PDGFRL: variants seen among roughly 807,000 people sequenced by gnomAD.
The protein encoded by PDGFRL is platelet-derived growth factor receptor-like protein.
A neutral mutation model predicts 37.2 loss-of-function variants in PDGFRL; 46 were observed. The observed-to-expected ratio is 1.24, with a 90% confidence interval of 0.98 to 1.58. The LOEUF (loss-of-function observed/expected upper bound fraction) is 1.58. Ranked by LOEUF, PDGFRL falls within the 40% of genes most tolerant of loss-of-function variation. The pLI, the probability that PDGFRL is intolerant of heterozygous loss-of-function variation, is 0.00. For synonymous variants in PDGFRL, 251 were observed against 184.3 expected (o/e 1.36, Z -2.93); for missense variants, 692 against 467.6 (o/e 1.48, Z -4.43).
chr8:17,628,526 A>C lies in PDGFRL; in HGVS notation c.545A>C (p.Asp182Ala). 6.2e-7 allele frequency: 1 copy of C among 1,613,904 alleles called. No individual in the cohort carries two copies. The highest frequency in any genetic ancestry group is 1.1e-5 in the South Asian group (1 of 91,066). ...ELFVPSPSYF[D>A]VVYLNPDRQA... ...TTTGTACCTTCTCCCAGCTACTTCG[A>C]TGTTGTCTACTTGAACCCGGACAGA... Residue 182 changes from aspartate to alanine, a missense_variant, in exon 4 of 6, where the codon GAT (aspartate) becomes GCT (alanine). By Grantham distance (126) the Asp-to-Ala change is moderately radical. Transcript: ENST00000251630.
At chr8:17,598,895 C>T (rs189279389) in intron 2 of PDGFRL, among the ~76,000 whole-genome samples, 8 of 152,294 alleles carry the variant, frequency 5.3e-5, no homozygotes, top group Admixed American at 2.0e-4. Context: ...CCAGCTACCA[C>T]GTAAGACATC....
chr8:17,604,104 T>C (rs573224057), intron 2 of PDGFRL, among the ~76,000 whole-genome samples: 14 of 152,246 alleles, frequency 9.2e-5, no homozygotes, highest in African/African-American at 2.9e-4. Context: ...GGAGAGGATG[T>C]GGAGTAATAG....
In PDGFRL at chr8:17,632,556, C is replaced by G. The variant is rs552832889; in HGVS notation, c.800-1518C>G. 2.6e-5 allele frequency among the ~76,000 whole-genome samples: 4 copies of G among 152,258 alleles called. No individual in the cohort carries two copies. The South Asian group carries it at 8.3e-4, about 32-fold the overall frequency. ...TTTACCATGTTGGCCAGGCTGGCCTCGAACTCCTGACCTCAGGTGATCTGC... is the reference window on the plus strand; with the variant it reads ...TTTACCATGTTGGCCAGGCTGGCCTGGAACTCCTGACCTCAGGTGATCTGC... On this transcript the variant is annotated intron_variant, in intron 4 of 5. Coordinates refer to ENST00000251630, the MANE Select transcript of PDGFRL (RefSeq NM_001372073.1).
At chr8:17,589,399 A>G in intron 1 of PDGFRL, 69 bp from the exon 2 acceptor site, 1 of 1,106,414 alleles carries the variant, frequency 9.0e-7, no homozygotes, top group Non-Finnish European at 1.3e-6. Context: ...AAAAAAAAAA[A>G]GTTATTGGCC....
Position 17,621,811 on chromosome 8 carries a change from C to G in PDGFRL, c.505+609C>G, listed in dbSNP as rs535493207. On this transcript the variant is annotated intron_variant, in intron 3 of 5. Transcript: ENST00000251630. ...ACTCCATAGGATGCTTCACTAAAGA[C>G]CTCCCATTTGTCCTTTTTATTATTT... is the stretch of plus-strand genomic sequence containing the variant. Among the ~76,000 whole-genome samples the G allele has an allele frequency of 4.6e-5, 7 of 152,224 alleles. 1 individual carries two copies. The South Asian group carries it at 1.0e-3, about 23-fold the overall frequency.
chr8:17,616,338 G>T (rs953156918), intron 2 of PDGFRL, among the ~76,000 whole-genome samples: 11 of 152,082 alleles, frequency 7.2e-5, no homozygotes, highest in African/African-American at 2.4e-4. Flanking sequence ...GGGACTACAG[G>T]CATGCACCAC....
chr8:17,607,182 C>T (rs2299577), intron 2 of PDGFRL, among the ~76,000 whole-genome samples: 15,592 of 152,008 alleles, frequency 0.1, 854 homozygotes, highest in Non-Finnish European at 0.13. Flanking sequence ...ACGTTTTAGA[C>T]GTGTGTCTCA....
intron 2 of PDGFRL, among the ~76,000 whole-genome samples, chr8:17,601,576 G>A (rs191085973): frequency 2.0e-5 from 3 of 151,792 alleles, no homozygotes; most frequent in Admixed American, 2.0e-4. Context: ...CAGGTAATAA[G>A]CTTAGTACCC....
chr8:17,602,282 G>C (rs1804182218), intron 2 of PDGFRL, among the ~76,000 whole-genome samples: 2 of 152,182 alleles, frequency 1.3e-5, no homozygotes, highest in South Asian at 2.1e-4. Flanking sequence ...AGGGAACTGA[G>C]AGTCATAGAG....
intron 3 of PDGFRL, among the ~76,000 whole-genome samples, chr8:17,623,826 A>T (rs1804681389): frequency 6.7e-6 from 1 of 150,088 alleles, no homozygotes; most frequent in Non-Finnish European, 1.5e-5. Flanking sequence ...GTGAGTCAAG[A>T]TTGCGCCACT....
At chr8:17,627,985 CTTTCT>C (rs1305313574) in intron 3 of PDGFRL, among the ~76,000 whole-genome samples, 3 of 124,012 alleles carry the variant, frequency 2.4e-5, no homozygotes, top group African/African-American at 3.4e-5. Flanking sequence ...TGTTTTCTTT[CTTTCT>C]TTTTTTTTTT....
At chr8:17,621,749 T>G (rs972729307) in intron 3 of PDGFRL, among the ~76,000 whole-genome samples, 1 of 152,190 alleles carries the variant, frequency 6.6e-6, no homozygotes, top group African/African-American at 2.4e-5. Context: ...CTTTCATCAC[T>G]GTCTTCTCAG....
At chr8:17,585,467 T>C (rs1422768843) in intron 1 of PDGFRL, among the ~76,000 whole-genome samples, 5 of 152,164 alleles carry the variant, frequency 3.3e-5, no homozygotes, top group African/African-American at 1.2e-4. Context: ...CATTTTCCTC[T>C]CCATAGTATC....
At chr8:17,629,560 G>A (rs1388183842) in intron 4 of PDGFRL, among the ~76,000 whole-genome samples, 2 of 152,084 alleles carry the variant, frequency 1.3e-5, no homozygotes, top group African/African-American at 4.8e-5. Flanking sequence ...TCTGCTCTTT[G>A]GGGGCTCTAC....
At chr8:17,589,171 A>G (rs774915386) in intron 1 of PDGFRL, among the ~76,000 whole-genome samples, 4 of 152,118 alleles carry the variant, frequency 2.6e-5, no homozygotes, top group Admixed American at 6.5e-5. Context: ...TGAGGTCAGG[A>G]CTTCGAGACC....
At chr8:17,605,114 C>T (rs529865135) in intron 2 of PDGFRL, among the ~76,000 whole-genome samples, 1 of 151,928 alleles carries the variant, frequency 6.6e-6, no homozygotes, top group Admixed American at 6.6e-5. Context: ...GAGACTCTGT[C>T]CCAGAAAGAA....
intron 2 of PDGFRL, among the ~76,000 whole-genome samples, chr8:17,610,076 C>T (rs752399854): frequency 1.6e-4 from 25 of 152,170 alleles, no homozygotes; most frequent in Non-Finnish European, 3.1e-4. Flanking sequence ...GGCCATAATA[C>T]ACTCACTGTG....
upstream of PDGFRL, chr8:17,577,082 T>TAAAAAAAAAAAAAAAAAAAAAAAACAAA (rs5889721): frequency 2.4e-6 from 1 of 410,770 alleles, no homozygotes; most frequent in Non-Finnish European, 3.7e-6. Context: ...CACAGAGAAC[T>TAAAAAAAAAAAAAAAAAAAAAAAACAAA]AAAAAAAAAA....
intron 2 of PDGFRL, among the ~76,000 whole-genome samples, chr8:17,599,387 C>G (rs1804120649): frequency 6.6e-6 from 1 of 152,196 alleles, no homozygotes; most frequent in Non-Finnish European, 1.5e-5. Context: ...TCGGTGAGAA[C>G]TTATGATGTT....
Sources: gnomAD v4.1 joint callset for allele counts (sites outside exome capture counted in the v4.1 genomes callset) on GRCh38, gnomAD v4.1.1 for gene constraint, MANE v1.5 for transcripts, NCBI Gene and HGNC (gene_info 2026-07-23, HGNC 2026-07-21) for gene names.